CCDC91: variants seen among roughly 807,000 people sequenced by gnomAD.
CCDC91 encodes the protein coiled-coil domain containing 91, also known as coiled-coil domain-containing protein 91.
Under a neutral mutation model 63.2 loss-of-function variants are expected in CCDC91, and 48 were observed. The ratio of observed to expected loss-of-function variants is 0.76; its 90% confidence interval spans 0.60 to 0.97. The LOEUF (loss-of-function observed/expected upper bound fraction) is 0.97. Among genes scored for constraint, CCDC91 ranks in the 50% least tolerant of loss-of-function variants. CCDC91 has a pLI of 0.00. For synonymous variants in CCDC91, 167 were observed against 165.8 expected (o/e 1.01, Z -0.06); for missense variants, 500 against 494.6 (o/e 1.01, Z -0.10).
chr12:28,466,071 A>C (rs373521560), intron 11 of CCDC91, among the ~76,000 whole-genome samples: 10 of 146,820 alleles, frequency 6.8e-5, no homozygotes, highest in Admixed American at 2.0e-4. Flanking sequence ...ACTGACAAAG[A>C]AAAAAAGAAT....
In CCDC91 at chr12:28,550,027, A is replaced by G. The variant is rs1943225402; in HGVS notation, c.*854A>G. On this transcript the variant is annotated 3_prime_UTR_variant, in exon 13 of 13. Coordinates refer to ENST00000536442, the MANE Select transcript of CCDC91 (RefSeq NM_018318.5). ...AGGATGCTTCAATGCAAAATCATGA[A>G]TATTTTTAATTCAAAACTAAAATGT... 6.6e-6 allele frequency: 1 copy of G among 152,500 alleles called. No individual in the cohort carries two copies. Among genetic ancestry groups the G allele is most frequent in the South Asian group, 2.1e-4 (1 of 4,824 alleles). 9.4% of individuals were successfully genotyped at this position (152,500 alleles called of 1,614,324 possible).
intron 7 of CCDC91, among the ~76,000 whole-genome samples, chr12:28,373,094 A>G (rs899171669): frequency 6.6e-6 from 1 of 152,092 alleles, no homozygotes; most frequent in African/African-American, 2.4e-5. Context: ...TGCATTCTTT[A>G]AAGTTAGTTA....
rs537208658 is a variant in CCDC91 at position 28,492,458 on chromosome 12, G to T, written c.1215+8293G>T. The stretch of plus-strand genomic sequence containing the variant: ...TTGTAAACCAGAAAATCAGATGGTA[G>T]AAATTATGGTTCTGAGATTACATCT... On this transcript the variant is annotated intron_variant, in intron 12 of 12. Coordinates refer to ENST00000536442, the MANE Select transcript of CCDC91 (RefSeq NM_018318.5). Among the ~76,000 whole-genome samples the T allele has an allele frequency of 1.4e-4, 22 of 151,760 alleles. 1 individual carries two copies. In the East Asian group the frequency reaches 3.7e-3, roughly 25 times the overall value.
intron 6 of CCDC91, among the ~76,000 whole-genome samples, chr12:28,315,983 T>C (rs1939821557): frequency 6.6e-6 from 1 of 151,954 alleles, no homozygotes; most frequent in Non-Finnish European, 1.5e-5. Context: ...TCCTATTCTT[T>C]CTATGAACAT....
At chr12:28,452,713 G>A (rs1949870830) in intron 11 of CCDC91, 59 bp downstream of exon 11, 1 of 855,110 alleles carries the variant, frequency 1.2e-6, no homozygotes, top group Non-Finnish European at 1.7e-6. Context: ...TCAAAATGAA[G>A]TACCCTTACT....
intron 12 of CCDC91, among the ~76,000 whole-genome samples, chr12:28,509,956 C>T (rs1317183147): frequency 6.6e-6 from 1 of 151,766 alleles, no homozygotes; most frequent in Non-Finnish European, 1.5e-5. Context: ...GTTTTGCATG[C>T]TCTAGTAATG....
chr12:28,365,187 G>A (rs1268191649), intron 7 of CCDC91, among the ~76,000 whole-genome samples: 1 of 152,138 alleles, frequency 6.6e-6, no homozygotes, highest in Non-Finnish European at 1.5e-5. Flanking sequence ...CTTTAACTGA[G>A]TGCTAAGTAA....
At chr12:28,401,269 C>G (rs1453912069) in intron 8 of CCDC91, among the ~76,000 whole-genome samples, 1 of 152,064 alleles carries the variant, frequency 6.6e-6, no homozygotes, top group Non-Finnish European at 1.5e-5. Flanking sequence ...GAAGGGGAAA[C>G]AAACATGTCC....
At chr12:28,362,879 C>G (rs1301726009) in intron 7 of CCDC91, among the ~76,000 whole-genome samples, 1 of 151,958 alleles carries the variant, frequency 6.6e-6, no homozygotes, top group Non-Finnish European at 1.5e-5. Context: ...AATATTATAC[C>G]TTTTTGCTTT....
At chr12:28,404,492 A>C (rs181228832) in intron 8 of CCDC91, among the ~76,000 whole-genome samples, 2 of 152,234 alleles carry the variant, frequency 1.3e-5, no homozygotes, top group East Asian at 3.9e-4. Flanking sequence ...TGCAGTATAT[A>C]GACTTCCTTT....
intron 1 of CCDC91, among the ~76,000 whole-genome samples, chr12:28,223,515 C>T (rs764213320): frequency 6.6e-6 from 1 of 152,142 alleles, no homozygotes; most frequent in Non-Finnish European, 1.5e-5. Context: ...AACTACCTGG[C>T]ACTCATTTCT....
rs1356931232 is a variant in CCDC91, at chr12:28,265,732, T to C, written c.109+6290T>C. On this transcript the variant is annotated intron_variant, in intron 3 of 12. Transcript: ENST00000536442. Reference sequence around the variant, plus strand: ...AATTGTCTCAATATTTTTCTTCAGATTAATCTGTAGTTTGTACCTAGTAAT... The same window carrying C: ...AATTGTCTCAATATTTTTCTTCAGACTAATCTGTAGTTTGTACCTAGTAAT... Among the ~76,000 whole-genome samples, 3 of 152,110 alleles carry C rather than the reference T, an allele frequency of 2.0e-5. No homozygotes were observed. The East Asian group carries it at 5.8e-4, about 29-fold the overall frequency.
chr12:28,338,754 A>G (rs1242375868), intron 6 of CCDC91, among the ~76,000 whole-genome samples: 1 of 152,168 alleles, frequency 6.6e-6, no homozygotes, highest in East Asian at 1.9e-4. Flanking sequence ...GTTCTGGGGA[A>G]GAGAAAATGG....
chr12:28,278,925 T>A (rs1350542623), intron 3 of CCDC91, among the ~76,000 whole-genome samples: 1 of 152,042 alleles, frequency 6.6e-6, no homozygotes, highest in Non-Finnish European at 1.5e-5. Context: ...AATATGCACA[T>A]ATACATGCAT....
intron 12 of CCDC91, among the ~76,000 whole-genome samples, chr12:28,516,516 T>A (rs1939962799): frequency 2.0e-5 from 3 of 151,932 alleles, no homozygotes; most frequent in Admixed American, 6.6e-5. Flanking sequence ...GGTAGAAAGA[T>A]TGCTTGAGCC....
chr12:28,285,934 T>C lies in CCDC91; in HGVS notation c.110-19715T>C, dbSNP rs555604954. Among the ~76,000 whole-genome samples the C allele has an allele frequency of 8.5e-4, 129 of 152,148 alleles. 2 individuals are homozygous for C. The highest frequency in any genetic ancestry group is 3.0e-3 in the African/African-American group (124 of 41,538). On this transcript the variant is annotated intron_variant, in intron 3 of 12. Transcript: ENST00000536442. ...ATTATAATTATTTATCATAAAACTT[T>C]TAAAAGAAAAATAATGTTGTTCTGC...
chr12:28,351,018 C>G (rs1156549259), intron 6 of CCDC91, among the ~76,000 whole-genome samples: 1 of 152,184 alleles, frequency 6.6e-6, no homozygotes, highest in East Asian at 1.9e-4. Flanking sequence ...CAATCTGTTA[C>G]CGTGTTCTTC....
intron 6 of CCDC91, among the ~76,000 whole-genome samples, chr12:28,334,333 C>T (rs374088719): frequency 5.9e-5 from 9 of 152,040 alleles, no homozygotes; most frequent in South Asian, 4.1e-4. Flanking sequence ...AAGAGGAAAA[C>T]GGGTTTTATT....
intron 3 of CCDC91, among the ~76,000 whole-genome samples, chr12:28,303,621 T>G (rs1316322348): frequency 6.6e-6 from 1 of 152,160 alleles, no homozygotes; most frequent in African/African-American, 2.4e-5. Context: ...TATATACCTT[T>G]AAACATACTT....
Sources: gnomAD v4.1 joint callset for allele counts (sites outside exome capture counted in the v4.1 genomes callset) on GRCh38, gnomAD v4.1.1 for gene constraint, MANE v1.5 for transcripts, NCBI Gene and HGNC (gene_info 2026-07-23, HGNC 2026-07-21) for gene names.